DCLK2: variants seen among roughly 807,000 people sequenced by gnomAD.
DCLK2 encodes serine/threonine-protein kinase DCLK2.
Under a neutral mutation model 78.4 loss-of-function variants are expected in DCLK2, and 31 were observed. The observed-to-expected ratio is 0.40, with a 90% CI of 0.30 to 0.53. The LOEUF (loss-of-function observed/expected upper bound fraction) is 0.53, where lower values mean the gene tolerates loss of function less well. Ranked by LOEUF, DCLK2 falls within the 20% of genes least tolerant of loss-of-function variation. The pLI is 0.61. For missense variants in DCLK2, 872 were observed against 973.7 expected (o/e 0.90, Z 1.39); for synonymous variants, 407 against 374.9 (o/e 1.09, Z -0.99).
chr4:150,145,271 A>G (rs569400542), intron 2 of DCLK2, among the ~76,000 whole-genome samples: 41 of 152,156 alleles, frequency 2.7e-4, no homozygotes, highest in Admixed American at 9.2e-4. Context: ...ACCAGGCATC[A>G]CCCCCAGGGT....
chr4:150,190,288 T>C (rs1411710899), intron 2 of DCLK2, among the ~76,000 whole-genome samples: 9 of 121,152 alleles, frequency 7.4e-5, no homozygotes, highest in African/African-American at 2.8e-4. Context: ...GATAGATAGA[T>C]AGATAGATAG....
intron 2 of DCLK2, among the ~76,000 whole-genome samples, chr4:150,129,782 A>G (rs1347215555): frequency 5.3e-5 from 8 of 151,794 alleles, no homozygotes; most frequent in Non-Finnish European, 7.4e-5. Flanking sequence ...AAAATGATCT[A>G]TGGAACAACT....
At chr4:150,081,854 C>T (rs984785861) in intron 1 of DCLK2, among the ~76,000 whole-genome samples, 6 of 149,572 alleles carry the variant, frequency 4.0e-5, no homozygotes, top group Non-Finnish European at 8.9e-5. Flanking sequence ...AAAAATTAGC[C>T]GGGTGTGGCG....
intron 2 of DCLK2, among the ~76,000 whole-genome samples, chr4:150,178,159 T>A (rs1235254044): frequency 2.6e-5 from 4 of 152,208 alleles, no homozygotes; most frequent in African/African-American, 9.6e-5. Context: ...CAGCCAACAG[T>A]CATAACCTTT....
At chr4:150,149,803 A>C (rs970001075) in intron 2 of DCLK2, among the ~76,000 whole-genome samples, 1 of 152,220 alleles carries the variant, frequency 6.6e-6, no homozygotes, top group African/African-American at 2.4e-5. Context: ...CTTCATTGAA[A>C]GAGATTCTGT....
intron 5 of DCLK2, among the ~76,000 whole-genome samples, chr4:150,212,578 G>A (rs1312116722): frequency 6.6e-6 from 1 of 152,158 alleles, no homozygotes; most frequent in Non-Finnish European, 1.5e-5. Context: ...AACCAAAAGA[G>A]GGGCTAAGCA....
At chr4:150,084,616 G>A (rs1260555353) in intron 1 of DCLK2, among the ~76,000 whole-genome samples, 1 of 152,206 alleles carries the variant, frequency 6.6e-6, no homozygotes, top group Non-Finnish European at 1.5e-5. Context: ...ATATGTGAGA[G>A]AGCATTTATG....
intron 2 of DCLK2, among the ~76,000 whole-genome samples, chr4:150,159,817 CGAG>C (rs1735572924): frequency 2.6e-5 from 4 of 151,906 alleles, no homozygotes; most frequent in Admixed American, 2.6e-4. Context: ...GGGAGGTGGT[CGAG>C]AGAACACGTT....
intron 2 of DCLK2, among the ~76,000 whole-genome samples, chr4:150,154,632 A>G (rs1168378317): frequency 6.6e-6 from 1 of 152,184 alleles, no homozygotes; most frequent in African/African-American, 2.4e-5. Context: ...TAAACACCTA[A>G]AGGAAGCTAA....
At chr4:150,103,410 A>G (rs1731020176) in intron 2 of DCLK2, among the ~76,000 whole-genome samples, 2 of 152,220 alleles carry the variant, frequency 1.3e-5, no homozygotes, top group Admixed American at 1.3e-4. Context: ...AGGGAACCTA[A>G]GGGACAAAAA....
In DCLK2 at chr4:150,144,979, G is replaced by A. The variant is rs62338193; in HGVS notation, c.756+42167G>A. On this transcript the variant is annotated intron_variant, in intron 2 of 15. Transcript: ENST00000296550. Reference sequence around the variant, plus strand: ...CTTTGGGCAGTATGGTCATTTTAACGATGTTGATTCTTTCAATCCATGAGA... The same window carrying A: ...CTTTGGGCAGTATGGTCATTTTAACAATGTTGATTCTTTCAATCCATGAGA... Among the ~76,000 whole-genome samples the A allele has an allele frequency of 8.4e-3, 1,275 of 152,180 alleles. 7 individuals are homozygous for A. The highest frequency in any genetic ancestry group is 0.014 in the Non-Finnish European group (952 of 67,982).
At chr4:150,235,538 G>A (rs1056547495) in intron 10 of DCLK2, among the ~76,000 whole-genome samples, 7 of 152,112 alleles carry the variant, frequency 4.6e-5, no homozygotes, top group Non-Finnish European at 7.4e-5. Flanking sequence ...CAGAAAGGGA[G>A]GAGAAGGAAG....
chr4:150,218,067 C>A (rs1005775888), intron 5 of DCLK2, among the ~76,000 whole-genome samples: 2 of 151,862 alleles, frequency 1.3e-5, no homozygotes, highest in Non-Finnish European at 2.9e-5. Context: ...CTCTCTCTCT[C>A]GCTCTCTCTC....
intron 2 of DCLK2, among the ~76,000 whole-genome samples, chr4:150,187,520 C>T (rs960103313): frequency 2.0e-5 from 3 of 152,170 alleles, no homozygotes; most frequent in Admixed American, 6.5e-5. Flanking sequence ...CTCTTTAGTA[C>T]TGCAGCACCC....
chr4:150,242,391 T>C (rs1304833717), intron 12 of DCLK2, among the ~76,000 whole-genome samples: 1 of 152,218 alleles, frequency 6.6e-6, no homozygotes, highest in African/African-American at 2.4e-5. Flanking sequence ...ATCGTGGTCT[T>C]CCACCAAAGT....
At chr4:150,232,644 T>C (rs1271258319) in intron 9 of DCLK2, 38 bp from the exon 10 acceptor site, 1 of 1,604,968 alleles carries the variant, frequency 6.2e-7, no homozygotes. Context: ...AGGATTGCAC[T>C]GTTGATGCTT....
chr4:150,240,769 G>GAA (rs34362156), intron 12 of DCLK2, among the ~76,000 whole-genome samples: 55 of 136,882 alleles, frequency 4.0e-4, no homozygotes, highest in Middle Eastern at 3.8e-3. Flanking sequence ...AAAAGAAAAA[G>GAA]AAAAAAAAAA....
At chr4:150,099,731 G>A (rs746151011) in intron 1 of DCLK2, among the ~76,000 whole-genome samples, 3 of 152,176 alleles carry the variant, frequency 2.0e-5, no homozygotes, top group Non-Finnish European at 2.9e-5. Context: ...GTAATGAGTT[G>A]TCTAGGCTTA....
chr4:150,086,616 C>G (rs542367258), intron 1 of DCLK2, among the ~76,000 whole-genome samples: 7 of 152,056 alleles, frequency 4.6e-5, no homozygotes, highest in Non-Finnish European at 1.5e-5. Flanking sequence ...ACGCCATTCT[C>G]CTGCCTCAGC....
Sources: allele counts gnomAD v4.1 joint callset (sites outside exome capture counted in the v4.1 genomes callset), GRCh38; gene constraint gnomAD v4.1.1; transcripts MANE v1.5; gene names NCBI Gene and HGNC (gene_info 2026-07-23, HGNC 2026-07-21).